COL4A1: variants seen among roughly 807,000 people sequenced by gnomAD.
The protein encoded by COL4A1 is collagen type IV alpha 1 chain.
Under a neutral mutation model 216.6 loss-of-function variants are expected in COL4A1, and 40 were observed. That is an observed-to-expected ratio of 0.18 (90% CI 0.14 to 0.24). The LOEUF (loss-of-function observed/expected upper bound fraction) is 0.24, where lower values mean the gene tolerates loss of function less well. Among genes scored for constraint, COL4A1 ranks in the 10% least tolerant of loss-of-function variants. The probability of loss-of-function intolerance (pLI) is 1.00; values close to 1 mark genes in which losing one functional copy is unlikely to be tolerated. For synonymous variants in COL4A1, 839 were observed against 810.7 expected (o/e 1.03, Z -0.59); for missense variants, 1,628 against 2,196.8 (o/e 0.74, Z 5.18).
chr13:110,233,057 C>T (rs994445821), intron 2 of COL4A1, among the ~76,000 whole-genome samples: 5 of 152,114 alleles, frequency 3.3e-5, no homozygotes, highest in Admixed American at 2.0e-4. Flanking sequence ...GGGTGGGCCT[C>T]GTGTGCAGAA....
At chr13:110,253,807 A>G in intron 1 of COL4A1, among the ~76,000 whole-genome samples, 1 of 140,424 alleles carries the variant, frequency 7.1e-6, no homozygotes, top group African/African-American at 2.5e-5. Flanking sequence ...GTATATATGT[A>G]TAATTATACG....
At chr13:110,241,522 C>G (rs575029138) in intron 2 of COL4A1, among the ~76,000 whole-genome samples, 1 of 152,248 alleles carries the variant, frequency 6.6e-6, no homozygotes, top group African/African-American at 2.4e-5. Context: ...GAAACACTTG[C>G]GTCTACTTTA....
In COL4A1 at chr13:110,175,417, A is replaced by AAAAAGTGCCTCC. The variant is rs1360137437; in HGVS notation, c.3059-72_3059-61dup. On this transcript the variant is annotated intron_variant, in intron 36 of 51. Transcript: ENST00000375820. The stretch of plus-strand genomic sequence containing the variant: ...TTAGCTAGTGCTGGTATTACAAATG[A>AAAAAGTGCCTCC]AAAAGTGCCTCCACAGCCAGCCAAG... The AAAAAGTGCCTCC allele has an allele frequency of 1.0e-5, 16 of 1,606,994 alleles. No individual in the cohort carries two copies. In the African/African-American group the frequency reaches 1.7e-4, roughly 17 times the overall value.
intron 50 of COL4A1, 59 bp downstream of exon 50, chr13:110,155,224 G>A (rs900235115): frequency 4.1e-5 from 52 of 1,276,800 alleles, no homozygotes; most frequent in Admixed American, 2.7e-4. Flanking sequence ...AGACAGAGGC[G>A]ACTATGGGGC....
At chr13:110,253,186 T>C (rs1379293222) in intron 1 of COL4A1, among the ~76,000 whole-genome samples, 1 of 142,390 alleles carries the variant, frequency 7.0e-6, no homozygotes, top group Non-Finnish European at 1.5e-5. Context: ...TGTACGTATG[T>C]ATTATATATA....
intron 24 of COL4A1, 69 bp from the exon 25 acceptor site, chr13:110,187,398 C>G (rs747563102): frequency 3.8e-6 from 6 of 1,567,624 alleles, no homozygotes; most frequent in Non-Finnish European, 5.3e-6. Context: ...GACTGTAACA[C>G]AAGCAACCAT....
intron 15 of COL4A1, among the ~76,000 whole-genome samples, chr13:110,205,744 T>G (rs1879479889): frequency 6.6e-6 from 1 of 151,904 alleles, no homozygotes; most frequent in South Asian, 2.1e-4. Context: ...GTACCTGTAG[T>G]CCCACCTACT....
At chr13:110,286,034 G>T (rs2139305597) in intron 1 of COL4A1, among the ~76,000 whole-genome samples, 1 of 152,318 alleles carries the variant, frequency 6.6e-6, no homozygotes, top group Non-Finnish European at 1.5e-5. Context: ...AGAGGGCAAA[G>T]GTGCAACATC....
intron 42 of COL4A1, 58 bp downstream of exon 42, chr13:110,170,489 T>C: frequency 2.0e-6 from 3 of 1,520,902 alleles, no homozygotes; most frequent in Non-Finnish European, 2.7e-6. Context: ...TTTACGCTAT[T>C]TCCTTTTGTG....
chr13:110,150,406 C>A lies in COL4A1; in HGVS notation c.4967G>T (p.Arg1656Leu). The change falls in exon 52 of 52, where the codon CGC becomes CTC. Residue 1656 changes from arginine (R) to leucine (L), a missense_variant. By Grantham distance (102) the Arg-to-Leu change is moderately radical (BLOSUM62 -2). Around this residue, in one of 8 missense-constraint regions of COL4A1, gnomAD observed 254 missense variants for 300.1 expected, o/e 0.85. Transcript: ENST00000375820. ...GACTTGGCAGCGGCTGACGTGCGTG[C>A]GCAGCTCCCCTGCCTTCAAGGTGGA... ...TPSTLKAGELRTHVSRCQVCM... is the reference protein window; with the variant it reads ...TPSTLKAGELLTHVSRCQVCM... 1 of 1,614,024 alleles carries A rather than the reference C, an allele frequency of 6.2e-7. No individual in the cohort carries two copies. The highest frequency in any genetic ancestry group is 8.5e-7 in the Non-Finnish European group (1 of 1,180,000).
Position 110,150,334 on chromosome 13 carries a change from T to C in COL4A1, c.*29A>G. 4 of 1,603,006 alleles carry C rather than the reference T, an allele frequency of 2.5e-6. No individual in the cohort carries two copies. The highest frequency in any genetic ancestry group is 2.2e-5 in the South Asian group (2 of 90,276). On this transcript the variant is annotated 3_prime_UTR_variant, in exon 52 of 52. Transcript: ENST00000375820. ...ACAAAAAGAAGAAGAAGTAGCACCA[T>C]GTTGTGACATTAGCTGAGTCAGGCT...
chr13:110,174,813 T>A, intron 37 of COL4A1, 64 bp from the exon 38 acceptor site: 2 of 1,420,494 alleles, frequency 1.4e-6, no homozygotes, highest in Non-Finnish European at 2.0e-6. Context: ...TGTAGGCATG[T>A]TATAGATAAT....
intron 49 of COL4A1, 77 bp downstream of exon 49, chr13:110,161,115 T>A: frequency 6.8e-7 from 1 of 1,478,462 alleles, no homozygotes; most frequent in Non-Finnish European, 9.4e-7. Flanking sequence ...TGGAGAAAAA[T>A]AGAAAACATA....
intron 1 of COL4A1, among the ~76,000 whole-genome samples, chr13:110,245,960 T>C (rs1881789799): frequency 6.7e-6 from 1 of 149,074 alleles, no homozygotes; most frequent in African/African-American, 2.4e-5. Flanking sequence ...AGTAATTTTT[T>C]TTAATCCTGG....
In COL4A1 at chr13:110,200,889, C is replaced by A; in HGVS notation, c.1085G>T (p.Gly362Val). ...GGGTTGGCCTGGTAGTCCTGGGAAACCTGAAAAGAGAAAGAGAGTGTTGGA... is the reference window on the plus strand; with the variant it reads ...GGGTTGGCCTGGTAGTCCTGGGAAAACTGAAAAGAGAAAGAGAGTGTTGGA... ...PGPRGEPGPKGFPGLPGQPGP... is the reference protein window; with the variant it reads ...PGPRGEPGPKVFPGLPGQPGP... The change falls in exon 20 of 52, where the codon GGT becomes GTT. Residue 362 changes from glycine (G) to valine (V), a missense_variant and splice_region_variant. Gly to Val is a moderately radical substitution (Grantham distance 109). Transcript: ENST00000375820. 1 of 1,614,056 alleles carries A rather than the reference C, an allele frequency of 6.2e-7. No individual in the cohort carries two copies. Among genetic ancestry groups the A allele is most frequent in the Non-Finnish European group, 8.5e-7 (1 of 1,179,988 alleles).
intron 1 of COL4A1, among the ~76,000 whole-genome samples, chr13:110,282,426 T>C (rs2139301658): frequency 6.6e-6 from 1 of 152,332 alleles, no homozygotes; most frequent in Non-Finnish European, 1.5e-5. Flanking sequence ...GTCTCCTCAA[T>C]GCCATCTTCA....
At chr13:110,172,680 C>T (rs780800680) in intron 41 of COL4A1, 40 bp downstream of exon 41, 18 of 1,591,218 alleles carry the variant, frequency 1.1e-5, no homozygotes, top group South Asian at 3.3e-5. Context: ...CAGGCAGCAG[C>T]GGTTGGTTGA....
chr13:110,300,913 T>G (rs887300896), intron 1 of COL4A1, among the ~76,000 whole-genome samples: 4 of 152,246 alleles, frequency 2.6e-5, no homozygotes, highest in African/African-American at 7.2e-5. Flanking sequence ...TTTGGACACT[T>G]GGCATTTGTC....
intron 2 of COL4A1, among the ~76,000 whole-genome samples, chr13:110,226,859 T>C (rs889278925): frequency 2.0e-5 from 3 of 152,200 alleles, no homozygotes; most frequent in Admixed American, 6.5e-5. Context: ...ACTGAATAGA[T>C]AAGAAAAGCA....
Sources: gnomAD v4.1 joint callset for allele counts (sites outside exome capture counted in the v4.1 genomes callset) on GRCh38, gnomAD v4.1.1 for gene constraint, gnomAD v4.1.1 regional missense constraint, MANE v1.5 for transcripts, NCBI Gene and HGNC (gene_info 2026-07-23, HGNC 2026-07-21) for gene names.